The following ELAC2 variants were observed in gnomAD, a reference collection of about 807,000 sequenced individuals.
ELAC2 encodes elaC ribonuclease Z 2.
Under a neutral mutation model 105.2 loss-of-function variants are expected in ELAC2, and 92 were observed. That is an observed-to-expected ratio of 0.87 (90% CI 0.74 to 1.04). The LOEUF (loss-of-function observed/expected upper bound fraction) is 1.04, where lower values mean the gene tolerates loss of function less well. Ranked by LOEUF, ELAC2 falls within the 50% of genes least tolerant of loss-of-function variation. The probability of loss-of-function intolerance (pLI) is 0.00; values close to 1 mark genes in which losing one functional copy is unlikely to be tolerated. For missense variants in ELAC2, 1,099 were observed against 1,071.7 expected (o/e 1.03, Z -0.36); for synonymous variants, 468 against 409.1 (o/e 1.14, Z -1.74).
chr17:12,992,781 G>A lies in ELAC2; in HGVS notation c.*37C>T, dbSNP rs1444739120. ...ATACGGGTGCGTGCGTGGGGCAGAAGACACACAGCCTTCTGAGTTCAGGGT... is the reference window on the plus strand; with the variant it reads ...ATACGGGTGCGTGCGTGGGGCAGAAAACACACAGCCTTCTGAGTTCAGGGT... On this transcript the variant is annotated 3_prime_UTR_variant, in exon 24 of 24. Transcript: ENST00000338034. The A allele has an allele frequency of 1.2e-6, 2 of 1,611,716 alleles. No individual in the cohort carries two copies. The highest frequency in any genetic ancestry group is 1.3e-5 in the African/African-American group (1 of 74,886).
intron 17 of ELAC2, chr17:12,996,219 G>A (rs2040461828): frequency 1.6e-6 from 1 of 634,054 alleles, no homozygotes; most frequent in Non-Finnish European, 2.8e-6. Flanking sequence ...CGGCACCCCA[G>A]GAGACCAAGG....
At chr17:12,995,120 A>G in intron 19 of ELAC2, 58 bp from the exon 20 acceptor site, 3 of 1,575,808 alleles carry the variant, frequency 1.9e-6, no homozygotes, top group Non-Finnish European at 2.6e-6. Context: ...ATCTGGAACC[A>G]AAGTTTAAGT....
In ELAC2 at chr17:12,998,420, G is replaced by T; in HGVS notation, c.1512C>A (p.Val504=). The T allele has an allele frequency of 1.2e-6, 2 of 1,614,112 alleles. No individual in the cohort carries two copies. The highest frequency in any genetic ancestry group is 2.2e-5 in the South Asian group (2 of 91,070). ...MKIRNVSATL[V]NISPDTSLLL... ...CTGGGAAAGCAGCATACCTTATGTTGACAAGTGTGGCACTGACATTTCGAA... is the reference window on the plus strand; with the variant it reads ...CTGGGAAAGCAGCATACCTTATGTTTACAAGTGTGGCACTGACATTTCGAA... The change falls in exon 16 of 24, where the codon GTC becomes GTA. Residue 504 remains valine, a synonymous_variant. Coordinates refer to ENST00000338034, the MANE Select transcript of ELAC2 (RefSeq NM_018127.7).
intron 8 of ELAC2, among the ~76,000 whole-genome samples, chr17:13,008,932 T>C (rs556480562): frequency 2.6e-5 from 4 of 152,258 alleles, no homozygotes; most frequent in Middle Eastern, 3.4e-3. Flanking sequence ...TGCCTGATAA[T>C]AGGGCAACTG....
At chr17:13,013,936 C>T (rs2041573789) in intron 5 of ELAC2, among the ~76,000 whole-genome samples, 1 of 152,182 alleles carries the variant, frequency 6.6e-6, no homozygotes, top group African/African-American at 2.4e-5. Context: ...CACAGGCAGG[C>T]ATCAGCTGTT....
chr17:13,010,560 G>C, intron 8 of ELAC2, 53 bp downstream of exon 8: 2 of 1,542,158 alleles, frequency 1.3e-6, no homozygotes, highest in Non-Finnish European at 9.0e-7. Context: ...GCAAACCAGA[G>C]GTCGCTGACC....
intron 11 of ELAC2, 144 bp from the exon 12 acceptor site, chr17:13,003,718 C>T: frequency 2.8e-6 from 2 of 716,130 alleles, no homozygotes; most frequent in Middle Eastern, 2.7e-4. Context: ...CATGCTCTCA[C>T]AGCAGGCTGC....
rs1259290478 is a variant in ELAC2, at chr17:12,998,451, A to G, written c.1481T>C (p.Met494Thr). ...TGTGGCACTGACATTTCGAATCTTCATCGGGATGGCAGACCCTGTTCCAAG... is the reference window on the plus strand; with the variant it reads ...TGTGGCACTGACATTTCGAATCTTCGTCGGGATGGCAGACCCTGTTCCAAG... ...IFLGTGSAIP[M>T]KIRNVSATLV... Residue 494 changes from methionine (M) to threonine (T), a missense_variant, in exon 16 of 24, where the codon ATG becomes ACG. Met to Thr is a moderately conservative substitution (Grantham distance 81). Coordinates refer to ENST00000338034, the MANE Select transcript of ELAC2 (RefSeq NM_018127.7). 5 of 1,614,216 alleles carry G rather than the reference A, an allele frequency of 3.1e-6. No individual in the cohort carries two copies. Among genetic ancestry groups the G allele is most frequent in the South Asian group, 2.2e-5 (2 of 91,084 alleles).
At chr17:13,005,525 C>T (rs1188660502) in intron 10 of ELAC2, among the ~76,000 whole-genome samples, 3 of 152,268 alleles carry the variant, frequency 2.0e-5, no homozygotes, top group African/African-American at 2.4e-5. Flanking sequence ...TTAAGGAGGA[C>T]GGTGACTAGA....
chr17:13,012,639 A>G (rs1235957903), intron 6 of ELAC2, among the ~76,000 whole-genome samples: 1 of 152,172 alleles, frequency 6.6e-6, no homozygotes, highest in Non-Finnish European at 1.5e-5. Context: ...GCATCACATT[A>G]GTTAGTACTA....
chr17:12,993,195 G>A (rs2040282194), intron 23 of ELAC2, 150 bp from the exon 24 acceptor site: 2 of 896,860 alleles, frequency 2.2e-6, no homozygotes, highest in Non-Finnish European at 3.5e-6. Context: ...ATGGAAAAAA[G>A]AATGGCATGG....
rs1598216015 is a variant in ELAC2 at position 13,000,060 on chromosome 17, T to A, written c.1423+96A>T. 4 of 1,131,876 alleles carry A rather than the reference T, an allele frequency of 3.5e-6. No individual in the cohort carries two copies. The East Asian group carries it at 9.4e-5, about 27-fold the overall frequency. The allele number at this position is 1,131,876 out of a possible 1,614,324, so 70.1% of individuals were successfully genotyped here. On this transcript the variant is annotated intron_variant, in intron 15 of 23. Transcript: ENST00000338034. ...CCTGGATTAGACTGAAAAGCCAGGTTAGAATGCGCCCCACCAGCACTCCAC... is the reference window on the plus strand; with the variant it reads ...CCTGGATTAGACTGAAAAGCCAGGTAAGAATGCGCCCCACCAGCACTCCAC...
At chr17:13,013,846 A>AGCAACTCAAC (rs1159869007) in intron 5 of ELAC2, among the ~76,000 whole-genome samples, 1 of 152,062 alleles carries the variant, frequency 6.6e-6, no homozygotes, top group Admixed American at 6.6e-5. Context: ...CCCAACTCAA[A>AGCAACTCAAC]GCAACTCAAC....
intron 11 of ELAC2, chr17:13,004,202 T>A (rs781177506): frequency 6.3e-6 from 1 of 157,670 alleles, no homozygotes; most frequent in Non-Finnish European, 1.4e-5. Flanking sequence ...TGAAGAGGTT[T>A]TGCTGCCCAA....
chr17:13,008,747 C>A (rs2041245968), intron 8 of ELAC2, among the ~76,000 whole-genome samples: 1 of 152,134 alleles, frequency 6.6e-6, no homozygotes, highest in Non-Finnish European at 1.5e-5. Flanking sequence ...GGAACTTGAC[C>A]TAGCTCAGCT....
Position 13,003,929 on chromosome 17 carries a change from CCT to C in ELAC2, c.984-357_984-356del, listed in dbSNP as rs2040969469. On this transcript the variant is annotated intron_variant, in intron 11 of 23. Coordinates refer to ENST00000338034, the MANE Select transcript of ELAC2 (RefSeq NM_018127.7). ...GCCTCCTCCTGCTCCCTCTCTCCTTCCTCTCTCACAGTCAAATTTCCTCGAAT... is the reference window on the plus strand; with the variant it reads ...GCCTCCTCCTGCTCCCTCTCTCCTTCCTCTCACAGTCAAATTTCCTCGAAT... 5.2e-5 allele frequency: 14 copies of C among 269,754 alleles called. 2 individuals are homozygous for C. In the South Asian group the frequency reaches 6.3e-4, roughly 12 times the overall value. 16.7% of individuals were successfully genotyped at this position (269,754 alleles called of 1,614,324 possible). A position where few individuals can be genotyped will look rare whatever the true frequency, so the allele number is the denominator to read the frequency against.
intron 23 of ELAC2, 68 bp from the exon 24 acceptor site, chr17:12,993,113 G>C: frequency 6.7e-7 from 1 of 1,499,984 alleles, no homozygotes. Flanking sequence ...GAGCTGGAAG[G>C]GATGCAGTCA....
chr17:12,995,896 G>A (rs1300774240), intron 18 of ELAC2, 44 bp downstream of exon 18: 3 of 1,585,754 alleles, frequency 1.9e-6, no homozygotes, highest in African/African-American at 2.7e-5. Context: ...CGGATGATGT[G>A]TAAACCGCTG....
Position 13,014,421 on chromosome 17 carries a change from T to C in ELAC2, c.490+18A>G, listed in dbSNP as rs763169336. On this transcript the variant is annotated intron_variant, in intron 5 of 23. Coordinates refer to ENST00000338034, the MANE Select transcript of ELAC2 (RefSeq NM_018127.7). Reference sequence around the variant, plus strand: ...TAAGTTAGAAATAGCAGAGGATGAGTCACAGACAAAGACGTACCCAGTTCT... The same window carrying C: ...TAAGTTAGAAATAGCAGAGGATGAGCCACAGACAAAGACGTACCCAGTTCT... The C allele has an allele frequency of 6.2e-7, 1 of 1,600,954 alleles. No homozygotes were observed. The highest frequency in any genetic ancestry group is 1.7e-5 in the Admixed American group (1 of 59,958).
Sources: allele counts gnomAD v4.1 joint callset (sites outside exome capture counted in the v4.1 genomes callset), GRCh38; gene constraint gnomAD v4.1.1; transcripts MANE v1.5; gene names NCBI Gene and HGNC (gene_info 2026-07-23, HGNC 2026-07-21).